Variants in SNX29 observed in about 807,000 individuals in gnomAD.
SNX29 encodes the protein sorting nexin 29.
Under a neutral mutation model 102.1 loss-of-function variants are expected in SNX29, and 78 were observed. That is an observed-to-expected ratio of 0.76 (90% CI 0.64 to 0.92). The LOEUF (loss-of-function observed/expected upper bound fraction) is 0.92. Among genes scored for constraint, SNX29 ranks in the 40% least tolerant of loss-of-function variants. SNX29 has a pLI of 0.00. For missense variants in SNX29, 1,280 were observed against 1,061.7 expected, an observed-to-expected ratio of 1.21 and a Z score of -2.86; for synonymous variants, 580 against 414.5, an observed-to-expected ratio of 1.40 and a Z score of -4.85.
intron 14 of SNX29, among the ~76,000 whole-genome samples, chr16:12,230,123 C>T (rs2077726860): frequency 6.6e-6 from 1 of 152,150 alleles, no homozygotes; most frequent in African/African-American, 2.4e-5. Flanking sequence ...ATAGTTTGTA[C>T]ACGTCTGTTC....
intron 14 of SNX29, among the ~76,000 whole-genome samples, chr16:12,237,837 G>T (rs1043212626): frequency 6.6e-6 from 1 of 152,236 alleles, no homozygotes; most frequent in Non-Finnish European, 1.5e-5. Context: ...GAACCCGGGA[G>T]ATGGAGGTTG....
intron 4 of SNX29, among the ~76,000 whole-genome samples, chr16:12,040,942 T>A (rs2049856107): frequency 6.6e-6 from 1 of 152,220 alleles, no homozygotes; most frequent in African/African-American, 2.4e-5. Flanking sequence ...GCCTCCCAAG[T>A]AGCTGGGACT....
At chr16:12,553,108 T>G (rs1179815484) in intron 20 of SNX29, among the ~76,000 whole-genome samples, 1 of 147,584 alleles carries the variant, frequency 6.8e-6, no homozygotes, top group African/African-American at 2.7e-5. Flanking sequence ...CCTGGGGCTT[T>G]CAGGCTGGGA....
intron 1 of SNX29, among the ~76,000 whole-genome samples, chr16:11,981,462 C>T (rs2055412647): frequency 6.6e-6 from 1 of 151,960 alleles, no homozygotes; most frequent in Non-Finnish European, 1.5e-5. Flanking sequence ...TACAGGCTGC[C>T]CTTTAATCTC....
chr16:12,089,324 G>A (rs142559203), intron 11 of SNX29, among the ~76,000 whole-genome samples: 17 of 151,528 alleles, frequency 1.1e-4, no homozygotes, highest in Admixed American at 6.6e-4. Context: ...GAGCAAGACC[G>A]TCTCAAAAAA....
At chr16:12,246,996 C>A (rs1417172366) in intron 14 of SNX29, among the ~76,000 whole-genome samples, 2 of 152,116 alleles carry the variant, frequency 1.3e-5, no homozygotes, top group African/African-American at 4.8e-5. Context: ...GCCTGTGTTG[C>A]TAGAACTCAG....
At chr16:11,989,384 C>G (rs1238338118) in intron 1 of SNX29, among the ~76,000 whole-genome samples, 1 of 152,206 alleles carries the variant, frequency 6.6e-6, no homozygotes, top group Admixed American at 6.5e-5. Context: ...CATGCAGAGC[C>G]TGTCTCTTTC....
chr16:12,550,391 C>G (rs1394629713), intron 20 of SNX29, among the ~76,000 whole-genome samples: 1 of 152,034 alleles, frequency 6.6e-6, no homozygotes, highest in Non-Finnish European at 1.5e-5. Context: ...AAAAATTAGC[C>G]AGGCATGGTG....
intron 11 of SNX29, among the ~76,000 whole-genome samples, chr16:12,108,621 C>G (rs350249): frequency 0.27 from 40,580 of 151,920 alleles, 6,704 homozygotes; most frequent in East Asian, 0.49. Context: ...TACAACAGCC[C>G]TGTGAGTTGA....
At chr16:12,496,047 A>G (rs955896958) in intron 19 of SNX29, among the ~76,000 whole-genome samples, 3 of 151,258 alleles carry the variant, frequency 2.0e-5, no homozygotes, top group Non-Finnish European at 3.0e-5. Context: ...GACTCTGTCA[A>G]AAAAAAAATG....
At chr16:12,348,556 G>C (rs925838885) in intron 15 of SNX29, among the ~76,000 whole-genome samples, 1 of 152,132 alleles carries the variant, frequency 6.6e-6, no homozygotes, top group Non-Finnish European at 1.5e-5. Flanking sequence ...GTACATGTGT[G>C]TGTGTGTGAC....
rs2051652234 is a variant in SNX29, at chr16:12,077,787, A to G, written c.1320-1046A>G. Among the ~76,000 whole-genome samples the G allele has an allele frequency of 2.6e-5, 4 of 151,858 alleles. No homozygotes were observed. The South Asian group carries it at 8.3e-4, about 32-fold the overall frequency. ...AGGCATGTGCTACCACACCCAGATAATTTTTGTATTTTTAGTAGAGAAGGG... is the reference window on the plus strand; with the variant it reads ...AGGCATGTGCTACCACACCCAGATAGTTTTTGTATTTTTAGTAGAGAAGGG... On this transcript the variant is annotated intron_variant, in intron 10 of 20. Coordinates refer to ENST00000566228, the MANE Select transcript of SNX29 (RefSeq NM_032167.5).
chr16:12,546,940 A>G (rs1362659390), intron 20 of SNX29, among the ~76,000 whole-genome samples: 1 of 152,180 alleles, frequency 6.6e-6, no homozygotes, highest in African/African-American at 2.4e-5. Flanking sequence ...ATGAAGAGAA[A>G]ATAAATTCCC....
intron 20 of SNX29, chr16:12,527,522 AG>A (rs906791580): frequency 2.9e-4 from 116 of 400,896 alleles, no homozygotes; most frequent in African/African-American, 2.1e-3. Context: ...CACTAAAGAG[AG>A]GGCCCCCCAT....
intron 11 of SNX29, among the ~76,000 whole-genome samples, chr16:12,079,890 A>G (rs1032530308): frequency 6.6e-6 from 1 of 152,244 alleles, no homozygotes; most frequent in Non-Finnish European, 1.5e-5. Context: ...TTCTACATAT[A>G]GGATTCAGGG....
intron 15 of SNX29, among the ~76,000 whole-genome samples, chr16:12,290,761 T>C (rs2079766767): frequency 6.6e-6 from 1 of 152,050 alleles, no homozygotes; most frequent in Non-Finnish European, 1.5e-5. Flanking sequence ...GGGTTGAAAG[T>C]AGAGGTAATG....
At chr16:12,443,774 C>G (rs1646304) in intron 18 of SNX29, among the ~76,000 whole-genome samples, 33,498 of 152,250 alleles carry the variant, frequency 0.22, 3,651 homozygotes, top group South Asian at 0.32. Flanking sequence ...AAAGCCAGTC[C>G]AAACTCTGCC....
At chr16:12,543,400 G>T (rs755514455) in intron 20 of SNX29, among the ~76,000 whole-genome samples, 11 of 152,166 alleles carry the variant, frequency 7.2e-5, no homozygotes, top group Non-Finnish European at 1.5e-4. Context: ...GAAGGAGGGG[G>T]CCCGATTCAC....
intron 14 of SNX29, among the ~76,000 whole-genome samples, chr16:12,264,072 G>T (rs752434827): frequency 1.2e-4 from 18 of 152,214 alleles, no homozygotes; most frequent in Non-Finnish European, 2.5e-4. Context: ...TACGAGAAAG[G>T]TGTGATTATT....
Sources: gnomAD v4.1 joint callset for allele counts (sites outside exome capture counted in the v4.1 genomes callset) on GRCh38, gnomAD v4.1.1 for gene constraint, MANE v1.5 for transcripts, NCBI Gene and HGNC (gene_info 2026-07-23, HGNC 2026-07-21) for gene names.